The following KNDC1 variants were observed in gnomAD, a reference collection of about 807,000 sequenced individuals.
The protein encoded by KNDC1 is kinase non-catalytic C-lobe domain-containing protein 1.
KNDC1 carries 106 observed loss-of-function variants against 172.8 expected under a neutral mutation model. That is an observed-to-expected ratio of 0.61 (90% CI 0.52 to 0.72). The LOEUF is 0.72. Ranked by LOEUF, KNDC1 falls within the 30% of genes least tolerant of loss-of-function variation. The pLI, the probability that KNDC1 is intolerant of heterozygous loss-of-function variation, is 0.00. For missense variants in KNDC1, 2,325 were observed against 2,394.5 expected (o/e 0.97, Z 0.61); for synonymous variants, 1,083 against 1,062.2 (o/e 1.02, Z -0.38).
chr10:133,165,472 G>T (rs1376702161), intron 1 of KNDC1, among the ~76,000 whole-genome samples: 1 of 152,192 alleles, frequency 6.6e-6, no homozygotes, highest in Non-Finnish European at 1.5e-5. Flanking sequence ...GCACCCCAGG[G>T]CCCCGCAGGG....
In KNDC1 at chr10:133,167,364, AG is replaced by A. The variant is rs759388191; in HGVS notation, c.103-14del. ...TGGGGGTCCTGCCGGGCTCACGGCC[AG>A]GGCCGGTCTTGGCAGGAGAACGTGT... is the stretch of plus-strand genomic sequence containing the variant. On this transcript the variant is annotated splice_polypyrimidine_tract_variant and intron_variant, in intron 1 of 29. Coordinates refer to ENST00000304613, the MANE Select transcript of KNDC1 (RefSeq NM_152643.8). The A allele has an allele frequency of 1.0e-4, 158 of 1,554,112 alleles. No individual in the cohort carries two copies. The highest frequency in any genetic ancestry group is 1.4e-4 in the Non-Finnish European group (155 of 1,147,746).
chr10:133,197,819 C>A, intron 12 of KNDC1, 51 bp downstream of exon 12: 1 of 1,309,058 alleles, frequency 7.6e-7, no homozygotes, highest in Non-Finnish European at 1.1e-6. Context: ...CACCTGACAC[C>A]ACAGCTGCCC....
In KNDC1 at chr10:133,198,927, G is replaced by T; in HGVS notation, c.2419G>T (p.Ala807Ser). Residue 807 changes from alanine (A) to serine (S), a missense_variant, in exon 14 of 30, where the codon GCT becomes TCT. Ala to Ser is a moderately conservative substitution (Grantham distance 99). Transcript: ENST00000304613. Reference sequence around the variant, plus strand: ...GGCTGAGCCGATCCCACCTGGAGTTGCTTCCGGGGGCCTCAGGCCCGACGC... The same window carrying T: ...GGCTGAGCCGATCCCACCTGGAGTTTCTTCCGGGGGCCTCAGGCCCGACGC... ...GPAEPIPPGV[A>S]SGGLRPDALG... 6.4e-7 allele frequency: 1 copy of T among 1,562,958 alleles called. No individual in the cohort carries two copies.
Position 133,183,399 on chromosome 10 carries a change from A to G in KNDC1, c.416A>G (p.Glu139Gly). 3 of 1,601,742 alleles carry G rather than the reference A, an allele frequency of 1.9e-6. No individual in the cohort carries two copies. Among genetic ancestry groups the G allele is most frequent in the Non-Finnish European group, 2.6e-6 (3 of 1,176,112 alleles). The change falls in exon 4 of 30, where the codon GAG (glutamate) becomes GGG (glycine). Residue 139 changes from glutamate to glycine, a missense_variant. Physicochemically the swap from Glu to Gly is moderately conservative, Grantham distance 98 (BLOSUM62 -2). Coordinates refer to ENST00000304613, the MANE Select transcript of KNDC1 (RefSeq NM_152643.8). ...TLKAALEYVA[E>G]PTLEPRLSQD... ...AAGGCCGCCCTCGAGTACGTGGCAG[A>G]GCCCACACTGGAACCCAGGCTGAGC...
chr10:133,174,916 T>G (rs545184976), intron 3 of KNDC1, among the ~76,000 whole-genome samples: 1 of 137,312 alleles, frequency 7.3e-6, no homozygotes, highest in South Asian at 2.3e-4. Flanking sequence ...TAGGTGGATG[T>G]GTGGATGGGT....
Position 133,161,842 on chromosome 10 carries a change from T to A in KNDC1, c.102+1273T>A, listed in dbSNP as rs1189375810. Among the ~76,000 whole-genome samples the A allele has an allele frequency of 3.9e-5, 6 of 152,306 alleles. No homozygotes were observed. In the East Asian group the frequency reaches 1.2e-3, roughly 29 times the overall value. ...CGCAGCTCTTCCCACAGCTCCTTCG[T>A]GCATCAGAGGCCTGAGCCTTGAGGG... On this transcript the variant is annotated intron_variant, in intron 1 of 29. Transcript: ENST00000304613.
intron 3 of KNDC1, chr10:133,174,350 C>G (rs1853464095): frequency 6.6e-6 from 1 of 151,720 alleles, no homozygotes; most frequent in Non-Finnish European, 1.5e-5. Flanking sequence ...GGGGAACTTC[C>G]AACACGGAAG....
intron 26 of KNDC1, among the ~76,000 whole-genome samples, chr10:133,217,849 G>C (rs188179064): frequency 5.3e-5 from 8 of 152,064 alleles, no homozygotes; most frequent in African/African-American, 1.7e-4. Flanking sequence ...GTCCAAGGCG[G>C]GCAGATCACG....
chr10:133,174,760 A>G (rs1853478911), intron 3 of KNDC1, among the ~76,000 whole-genome samples: 1 of 150,028 alleles, frequency 6.7e-6, no homozygotes, highest in Admixed American at 6.6e-5. Flanking sequence ...TGATGGGTGG[A>G]TGAACAAGTA....
intron 6 of KNDC1, among the ~76,000 whole-genome samples, chr10:133,186,975 G>A (rs1853938874): frequency 6.6e-6 from 1 of 152,160 alleles, no homozygotes. Flanking sequence ...CGTCCCGAGG[G>A]ATTAATTTTC....
intron 26 of KNDC1, 38 bp downstream of exon 26, chr10:133,214,160 G>A: frequency 6.2e-7 from 1 of 1,609,454 alleles, no homozygotes; most frequent in Non-Finnish European, 8.5e-7. Context: ...CACGGGGCGT[G>A]GGGCCCACCT....
chr10:133,177,941 G>A (rs188596781), intron 3 of KNDC1, among the ~76,000 whole-genome samples: 19 of 149,838 alleles, frequency 1.3e-4, no homozygotes, highest in East Asian at 2.0e-4. Context: ...GTTATGTCAC[G>A]GACACGTGTA....
At chr10:133,215,962 G>A (rs531566893) in intron 26 of KNDC1, among the ~76,000 whole-genome samples, 56 of 152,364 alleles carry the variant, frequency 3.7e-4, no homozygotes, top group Non-Finnish European at 1.8e-4. Flanking sequence ...GGGAGCGGAC[G>A]GACCTCGCCG....
intron 26 of KNDC1, among the ~76,000 whole-genome samples, chr10:133,215,332 G>A (rs376427852): frequency 4.8e-4 from 73 of 152,344 alleles, no homozygotes; most frequent in Non-Finnish European, 8.8e-4. Flanking sequence ...CCACCTCCAC[G>A]GTGGACAGAG....
chr10:133,200,484 G>T, intron 16 of KNDC1, 24 bp downstream of exon 16: 2 of 1,493,354 alleles, frequency 1.3e-6, no homozygotes, highest in South Asian at 1.3e-5. Flanking sequence ...GGGCCCCGCG[G>T]CAGGAGCTCT....
Position 133,219,097 on chromosome 10 carries a change from G to A in KNDC1, c.4860+7G>A, listed in dbSNP as rs201040079. ...GGAGCTGAAAGCCGTGGAGGTACCAGCACTTTACGTGGCCGGGCGGCTTTG... is the reference window on the plus strand; with the variant it reads ...GGAGCTGAAAGCCGTGGAGGTACCAACACTTTACGTGGCCGGGCGGCTTTG... On this transcript the variant is annotated splice_region_variant and intron_variant, in intron 28 of 29. Coordinates refer to ENST00000304613, the MANE Select transcript of KNDC1 (RefSeq NM_152643.8). 1.9e-6 allele frequency: 3 copies of A among 1,613,038 alleles called. No individual in the cohort carries two copies. In the Admixed American group the frequency reaches 5.0e-5, roughly 27 times the overall value.
chr10:133,189,645 C>T lies in KNDC1; in HGVS notation c.1489C>T (p.Leu497Phe), dbSNP rs764467686. The T allele has an allele frequency of 3.1e-6, 5 of 1,613,846 alleles. No individual in the cohort carries two copies. The Admixed American group carries it at 8.3e-5, about 27-fold the overall frequency. The change falls in exon 8 of 30, where the codon CTC (leucine) becomes TTC (phenylalanine). Residue 497 changes from leucine (L) to phenylalanine (F), a missense_variant. Coordinates refer to ENST00000304613, the MANE Select transcript of KNDC1 (RefSeq NM_152643.8). The stretch of plus-strand genomic sequence containing the variant: ...GCTGGTTGCTGAGGACGGGGCTGTG[C>T]TCTTCCAGCCACCCCCTGCCAACGG... The part of the protein sequence containing the change: ...SVLVAEDGAV[L>F]FQPPPANGSY...
At chr10:133,197,638 G>C in intron 11 of KNDC1, 37 bp from the exon 12 acceptor site, 1 of 1,523,124 alleles carries the variant, frequency 6.6e-7, no homozygotes, top group Non-Finnish European at 9.1e-7. Flanking sequence ...GCGGAGCTCC[G>C]TGGTCACCTG....
At chr10:133,211,651 AC>A in intron 22 of KNDC1, 27 bp from the exon 23 acceptor site, 10 of 1,586,134 alleles carry the variant, frequency 6.3e-6, no homozygotes, top group Admixed American at 3.5e-5. Context: ...GGTGGCAGTG[AC>A]CCCCCCACCA....
Sources: gnomAD v4.1 joint callset for allele counts (sites outside exome capture counted in the v4.1 genomes callset) on GRCh38, gnomAD v4.1.1 for gene constraint, MANE v1.5 for transcripts, NCBI Gene and HGNC (gene_info 2026-07-23, HGNC 2026-07-21) for gene names.